The following CD2AP variants were observed in gnomAD, a reference collection of about 807,000 sequenced individuals.
The protein encoded by CD2AP is CD2 associated protein.
Under a neutral mutation model 85.1 loss-of-function variants are expected in CD2AP, and 46 were observed. The observed-to-expected ratio is 0.54, with a 90% CI of 0.43 to 0.69. CD2AP has a LOEUF of 0.69. Among genes scored for constraint, CD2AP ranks in the 30% least tolerant of loss-of-function variants. The pLI is 0.00. For missense variants in CD2AP, 769 were observed against 729.5 expected, an observed-to-expected ratio of 1.05 and a Z score of -0.62; for synonymous variants, 255 against 252.9, an observed-to-expected ratio of 1.01 and a Z score of -0.08.
intron 5 of CD2AP, among the ~76,000 whole-genome samples, chr6:47,555,275 A>G (rs1767650187): frequency 6.6e-6 from 1 of 152,232 alleles, no homozygotes; most frequent in African/African-American, 2.4e-5. Context: ...ATTTAAGAGT[A>G]TGATTGACAA....
chr6:47,528,985 G>A (rs1397676133), intron 2 of CD2AP, among the ~76,000 whole-genome samples: 1 of 151,996 alleles, frequency 6.6e-6, no homozygotes, highest in Non-Finnish European at 1.5e-5. Context: ...CTTTCTTAGT[G>A]CATGGCAACA....
In CD2AP at chr6:47,599,328, A is replaced by C; in HGVS notation, c.1302A>C (p.Ser434=). Residue 434 remains serine, a synonymous_variant, in exon 13 of 18, where the codon TCA becomes TCC. Transcript: ENST00000359314. ...AKINGEVSSI[S]SKFETEPVSK... Reference sequence around the variant, plus strand: ...TTAATGGGGAAGTTTCTAGCATTTCATCAAAATTTGAAACTGAGCCAGTAT... The same window carrying C: ...TTAATGGGGAAGTTTCTAGCATTTCCTCAAAATTTGAAACTGAGCCAGTAT... 1 of 1,612,442 alleles carries C rather than the reference A, an allele frequency of 6.2e-7. No individual in the cohort carries two copies. Among genetic ancestry groups the C allele is most frequent in the Non-Finnish European group, 8.5e-7 (1 of 1,178,960 alleles).
At chr6:47,603,175 C>T (rs1327907036) in intron 13 of CD2AP, among the ~76,000 whole-genome samples, 1 of 151,820 alleles carries the variant, frequency 6.6e-6, no homozygotes, top group Non-Finnish European at 1.5e-5. Context: ...TAATAGTTTC[C>T]TTGATCATAC....
chr6:47,527,540 A>G (rs1766761663), intron 2 of CD2AP, among the ~76,000 whole-genome samples: 2 of 152,216 alleles, frequency 1.3e-5, no homozygotes, highest in Admixed American at 1.3e-4. Context: ...TAAGTTTCAT[A>G]TAAAGTAGAT....
intron 11 of CD2AP, among the ~76,000 whole-genome samples, chr6:47,590,603 C>T (rs937085104): frequency 6.6e-6 from 1 of 151,998 alleles, no homozygotes; most frequent in African/African-American, 2.4e-5. Flanking sequence ...AACTTTTGTG[C>T]AGGCACGTTC....
At chr6:47,575,483 T>C (rs1250772952) in intron 6 of CD2AP, among the ~76,000 whole-genome samples, 1 of 152,196 alleles carries the variant, frequency 6.6e-6, no homozygotes, top group Non-Finnish European at 1.5e-5. Context: ...TCAGGCTTGC[T>C]TTGATCACTG....
chr6:47,599,196 AG>A, intron 12 of CD2AP, 104 bp from the exon 13 acceptor site: 1 of 895,536 alleles, frequency 1.1e-6, no homozygotes. Context: ...CAGAACAGAA[AG>A]TAATCGGTAT....
At position 47,522,258 on chromosome 6, in the gene CD2AP, T is replaced by C. The variant is rs9463336; in HGVS notation, c.166-11344T>C. On this transcript the variant is annotated intron_variant, in intron 2 of 17. Coordinates refer to ENST00000359314, the MANE Select transcript of CD2AP (RefSeq NM_012120.3). Reference sequence around the variant, plus strand: ...AAGCAGAGAAATATCAGCGGAATGATATCAAAAGAGAAGGTTAACAAAGTA... The same window carrying C: ...AAGCAGAGAAATATCAGCGGAATGACATCAAAAGAGAAGGTTAACAAAGTA... Among the ~76,000 whole-genome samples, 1,250 of 152,258 alleles carry C rather than the reference T, an allele frequency of 8.2e-3. 17 individuals carry two copies. Among genetic ancestry groups the C allele is most frequent in the African/African-American group, 0.029 (1,198 of 41,544 alleles).
chr6:47,576,629 T>C (rs375203011), intron 7 of CD2AP, 27 bp downstream of exon 7: 39 of 1,440,512 alleles, frequency 2.7e-5, no homozygotes, highest in Non-Finnish European at 3.4e-5. Flanking sequence ...AGCTTTCATA[T>C]TGGGAATAGT....
chr6:47,507,440 ACTAT>A (rs780664723), intron 2 of CD2AP, among the ~76,000 whole-genome samples: 1 of 152,140 alleles, frequency 6.6e-6, no homozygotes, highest in African/African-American at 2.4e-5. Context: ...CAGAAGAATC[ACTAT>A]CTATGGCAGT....
intron 17 of CD2AP, among the ~76,000 whole-genome samples, chr6:47,617,111 T>A (rs1315608644): frequency 6.6e-6 from 1 of 152,104 alleles, no homozygotes; most frequent in Non-Finnish European, 1.5e-5. Context: ...ACTACAGGCA[T>A]GCACTTTCAT....
intron 16 of CD2AP, 167 bp downstream of exon 16, chr6:47,609,471 G>C: frequency 2.3e-6 from 1 of 443,370 alleles, no homozygotes; most frequent in Non-Finnish European, 4.1e-6. Flanking sequence ...GAGTCCAGGA[G>C]TTCGAGACCA....
At chr6:47,587,131 C>T (rs1768651357) in intron 11 of CD2AP, among the ~76,000 whole-genome samples, 1 of 152,060 alleles carries the variant, frequency 6.6e-6, no homozygotes, top group Non-Finnish European at 1.5e-5. Context: ...TACCCTTGTT[C>T]CCATAGTTGA....
intron 11 of CD2AP, among the ~76,000 whole-genome samples, chr6:47,589,379 T>TATAC (rs144886557): frequency 7.2e-6 from 1 of 139,384 alleles, no homozygotes; most frequent in East Asian, 2.1e-4. Context: ...CTCTTGAATA[T>TATAC]ACACACACAC....
chr6:47,482,762 G>A (rs541333507), intron 1 of CD2AP, among the ~76,000 whole-genome samples: 1 of 152,244 alleles, frequency 6.6e-6, no homozygotes, highest in Admixed American at 6.5e-5. Flanking sequence ...AAAATAAATA[G>A]AAAACTCAAA....
intron 5 of CD2AP, among the ~76,000 whole-genome samples, chr6:47,559,305 C>G (rs1251721643): frequency 2.7e-5 from 4 of 150,488 alleles, no homozygotes; most frequent in African/African-American, 4.9e-5. Flanking sequence ...TGTTGCCGAG[C>G]CTGGTGTGCA....
In CD2AP at chr6:47,562,800, G is replaced by A. The variant is rs182839313; in HGVS notation, c.541+8034G>A. 2.2e-5 allele frequency: 25 copies of A among 1,158,142 alleles called. 1 individual carries two copies. Among genetic ancestry groups the A allele is most frequent in the Middle Eastern group, 2.8e-4 (1 of 3,574 alleles). 71.7% of individuals were successfully genotyped at this position (1,158,142 alleles called of 1,614,324 possible). A position where few individuals can be genotyped will look rare whatever the true frequency, so the allele number is the denominator to read the frequency against. On this transcript the variant is annotated intron_variant, in intron 5 of 17. Coordinates refer to ENST00000359314, the MANE Select transcript of CD2AP (RefSeq NM_012120.3). ...TTGCATCCAACTGTGATGAGCCTTT[G>A]TATGTCAAGTTGGTGGAGGCCCTTG...
At chr6:47,610,136 T>C (rs1449962676) in intron 16 of CD2AP, among the ~76,000 whole-genome samples, 1 of 152,160 alleles carries the variant, frequency 6.6e-6, no homozygotes, top group Non-Finnish European at 1.5e-5. Context: ...GATCACCTAT[T>C]ATAGGTGAGC....
intron 3 of CD2AP, among the ~76,000 whole-genome samples, chr6:47,539,157 A>T (rs530428047): frequency 4.6e-5 from 7 of 152,240 alleles, no homozygotes; most frequent in Non-Finnish European, 4.4e-5. Flanking sequence ...GATGATAGTC[A>T]TAATTTTCTT....
Sources: gnomAD v4.1 joint callset for allele counts (sites outside exome capture counted in the v4.1 genomes callset) on GRCh38, gnomAD v4.1.1 for gene constraint, MANE v1.5 for transcripts, NCBI Gene and HGNC (gene_info 2026-07-23, HGNC 2026-07-21) for gene names.